ZSCAN22: variants seen among roughly 807,000 people sequenced by gnomAD.
ZSCAN22 encodes zinc finger and SCAN domain-containing protein 22.
Under a neutral mutation model 12.4 loss-of-function variants are expected in ZSCAN22, and 7 were observed. That is an observed-to-expected ratio of 0.57 (90% CI 0.32 to 1.06). The LOEUF (loss-of-function observed/expected upper bound fraction) is 1.06. Among genes scored for constraint, ZSCAN22 ranks in the 50% least tolerant of loss-of-function variants. The probability of loss-of-function intolerance (pLI) is 0.04; values close to 1 mark genes in which losing one functional copy is unlikely to be tolerated. For synonymous variants in ZSCAN22, 243 were observed against 255.9 expected (o/e 0.95, Z 0.48); for missense variants, 576 against 631.7 (o/e 0.91, Z 0.94).
Position 58,338,507 on chromosome 19 carries a change from TG to T in ZSCAN22, c.659del (p.Gly220AlafsTer120), listed in dbSNP as rs1295201891. 1 of 1,614,048 alleles carries T rather than the reference TG, an allele frequency of 6.2e-7. No individual in the cohort carries two copies. Among genetic ancestry groups the T allele is most frequent in the African/African-American group, 1.3e-5 (1 of 74,916 alleles). On this transcript the variant is annotated frameshift_variant, in exon 3 of 3. Transcript: ENST00000329665. LOFTEE classifies it low-confidence loss of function (END_TRUNC). This position sits in a 1 kb window ranked among gnomAD's most constrained non-coding sequence, Gnocchi z 5.4. ...PYKDVPTDQR[G>X]RESGASRNSS... ...ACAAGGATGTCCCCACAGACCAGCGTGGCCGTGAATCTGGTGCCTCGAGGAA... is the reference window on the plus strand; with the variant it reads ...ACAAGGATGTCCCCACAGACCAGCGTGCCGTGAATCTGGTGCCTCGAGGAA...
Position 58,329,215 on chromosome 19 carries a change from C to A in ZSCAN22, c.-52+2101C>A, listed in dbSNP as rs73941829. On this transcript the variant is annotated intron_variant, in intron 1 of 2. Transcript: ENST00000329665. This position sits in a 1 kb window ranked among gnomAD's most constrained non-coding sequence, Gnocchi z 4.1. ...GCCAGAGGCCACCAGAGGTCACCAG[C>A]GGTCACCAAAAGGTTTCAGGATTGG... 8.1e-6 allele frequency among the ~76,000 whole-genome samples: 1 copy of A among 122,872 alleles called. No homozygotes were observed. The highest frequency in any genetic ancestry group is 1.6e-5 in the Non-Finnish European group (1 of 62,056). The allele number at this position is 122,872 out of a possible 152,430, so 80.6% of individuals were successfully genotyped here.
chr19:58,340,931 C>T lies in ZSCAN22; in HGVS notation c.*1605C>T, dbSNP rs1416187678. On this transcript the variant is annotated 3_prime_UTR_variant, in exon 3 of 3. Coordinates refer to ENST00000329665, the MANE Select transcript of ZSCAN22 (RefSeq NM_181846.3). ...TGCCACCTTGTTTTACTTATTTGCT[C>T]CTTGTAGAGCTGCCTTTTCCAAGGA... 6.6e-6 allele frequency: 1 copy of T among 152,128 alleles called. No homozygotes were observed. Among genetic ancestry groups the T allele is most frequent in the Non-Finnish European group, 1.5e-5 (1 of 68,018 alleles). 9.4% of individuals were successfully genotyped at this position (152,128 alleles called of 1,614,324 possible).
chr19:58,332,467 G>A lies in ZSCAN22; in HGVS notation c.-51-2285G>A, dbSNP rs144406008. Among the ~76,000 whole-genome samples, 566 of 151,476 alleles carry A rather than the reference G, an allele frequency of 3.7e-3. 3 individuals are homozygous for A. Among genetic ancestry groups the A allele is most frequent in the African/African-American group, 0.013 (526 of 41,276 alleles). On this transcript the variant is annotated intron_variant, in intron 1 of 2. Transcript: ENST00000329665. Reference sequence around the variant, plus strand: ...TTTTGTATTTTTTAGTAGAGACGGGGTTTCACTGTGTTGGCCAGGCTGGTC... The same window carrying A: ...TTTTGTATTTTTTAGTAGAGACGGGATTTCACTGTGTTGGCCAGGCTGGTC...
intron 1 of ZSCAN22, among the ~76,000 whole-genome samples, chr19:58,332,740 G>C (rs1471201299): frequency 6.6e-6 from 1 of 152,102 alleles, no homozygotes; most frequent in Non-Finnish European, 1.5e-5. Flanking sequence ...CTTTTTTGCT[G>C]TTATGAGTAA....
At position 58,338,817 on chromosome 19, in the gene ZSCAN22, C is replaced by A. The variant is rs144167717; in HGVS notation, c.967C>A (p.Pro323Thr). Residue 323 changes from proline (P) to threonine (T), a missense_variant, in exon 3 of 3, where the codon CCC (proline) becomes ACC (threonine). Transcript: ENST00000329665. This position sits in a 1 kb window ranked among gnomAD's most constrained non-coding sequence, Gnocchi z 5.4. ...CCAGGTTGTCCACACAGGGGCGAAG[C>A]CCCATGAGTGTAAGGAATGTGGGAA... ...QHQVVHTGAKPHECKECGKAF... is the reference protein window; with the variant it reads ...QHQVVHTGAKTHECKECGKAF... The A allele has an allele frequency of 6.2e-7, 1 of 1,613,930 alleles. No individual in the cohort carries two copies. Among genetic ancestry groups the A allele is most frequent in the Non-Finnish European group, 8.5e-7 (1 of 1,179,910 alleles).
Position 58,338,138 on chromosome 19 carries a change from G to T in ZSCAN22, c.404-116G>T. The T allele has an allele frequency of 1.1e-6, 1 of 945,182 alleles. No individual in the cohort carries two copies. The allele number at this position is 945,182 out of a possible 1,614,324, so 58.5% of individuals were successfully genotyped here. A position where few individuals can be genotyped will look rare whatever the true frequency, so the allele number is the denominator to read the frequency against. ...TGAGAAACTTCCCCTTGGAACTGGGGCCAGATGTTAGGAACGGGCCACATC... is the reference window on the plus strand; with the variant it reads ...TGAGAAACTTCCCCTTGGAACTGGGTCCAGATGTTAGGAACGGGCCACATC... On this transcript the variant is annotated intron_variant, in intron 2 of 2. Coordinates refer to ENST00000329665, the MANE Select transcript of ZSCAN22 (RefSeq NM_181846.3). This position sits in a 1 kb window ranked among gnomAD's most constrained non-coding sequence, Gnocchi z 5.4.
At chr19:58,327,325 A>G (rs1376773943) in intron 1 of ZSCAN22, among the ~76,000 whole-genome samples, 1 of 152,028 alleles carries the variant, frequency 6.6e-6, no homozygotes, top group Admixed American at 6.5e-5. Flanking sequence ...CCAGGCGTGG[A>G]CGGACCGTGT....
rs145454805 is a variant in ZSCAN22 at position 58,338,937 on chromosome 19, C to T, written c.1087C>T (p.Arg363Cys). Residue 363 changes from arginine to cysteine, a missense_variant, in exon 3 of 3, where the codon CGC becomes TGC. Transcript: ENST00000329665. The surrounding 1 kb of genome is among the most constrained non-coding windows in gnomAD (Gnocchi z 5.4). ...KCGECGKTFS[R>C]STHLTQHQRV... ...TGGGGAATGTGGTAAAACCTTCAGC[C>T]GCAGCACTCACCTCACCCAGCACCA... 97 of 1,613,928 alleles carry T rather than the reference C, an allele frequency of 6.0e-5. No individual in the cohort carries two copies. Among genetic ancestry groups the T allele is most frequent in the South Asian group, 2.3e-4 (21 of 91,086 alleles).
In ZSCAN22 at chr19:58,334,801, C is replaced by A; in HGVS notation, c.-2C>A. The A allele has an allele frequency of 6.3e-7, 1 of 1,594,022 alleles. No individual in the cohort carries two copies. ...CTGTGTCTCACTGAGCACTGCTGCC[C>A]GATGGCCATCCCCAAGCACTCCCTG... On this transcript the variant is annotated 5_prime_UTR_variant, in exon 2 of 3. Coordinates refer to ENST00000329665, the MANE Select transcript of ZSCAN22 (RefSeq NM_181846.3).
At chr19:58,331,436 T>C (rs28604982) in intron 1 of ZSCAN22, among the ~76,000 whole-genome samples, 37,252 of 150,760 alleles carry the variant, frequency 0.25, 6,825 homozygotes, top group African/African-American at 0.49. Context: ...AGGCTGGTCT[T>C]GAATTCCTGA....
Position 58,336,140 on chromosome 19 carries a change from T to C in ZSCAN22, c.403+935T>C, listed in dbSNP as rs182220003. Among the ~76,000 whole-genome samples the C allele has an allele frequency of 7.9e-5, 12 of 152,292 alleles. 1 individual carries two copies. The South Asian group carries it at 2.5e-3, about 32-fold the overall frequency. Reference sequence around the variant, plus strand: ...GCTCTTCCTGGCCATGTGACTCCCTTGTGCCTCAGTTTACTCATGGGTAAA... The same window carrying C: ...GCTCTTCCTGGCCATGTGACTCCCTCGTGCCTCAGTTTACTCATGGGTAAA... On this transcript the variant is annotated intron_variant, in intron 2 of 2. Transcript: ENST00000329665.
In ZSCAN22 at chr19:58,335,340, A is replaced by G. The variant is rs148288391; in HGVS notation, c.403+135A>G. 1.1e-3 allele frequency: 1,350 copies of G among 1,195,104 alleles called. 3 individuals are homozygous for G. The highest frequency in any genetic ancestry group is 8.5e-3 in the African/African-American group (552 of 65,130). The allele number at this position is 1,195,104 out of a possible 1,614,324, so 74.0% of individuals were successfully genotyped here. Reference sequence around the variant, plus strand: ...TTGTACTTTACCGTAACTCTCACACACTGTTGTAGACAGGTGTGTTTTGGT... The same window carrying G: ...TTGTACTTTACCGTAACTCTCACACGCTGTTGTAGACAGGTGTGTTTTGGT... On this transcript the variant is annotated intron_variant, in intron 2 of 2. Transcript: ENST00000329665. This position sits in a 1 kb window ranked among gnomAD's most constrained non-coding sequence, Gnocchi z 4.1.
In ZSCAN22 at chr19:58,339,201, C is replaced by G; in HGVS notation, c.1351C>G (p.Leu451Val). The part of the protein sequence containing the change: ...CPKAFAQSSS[L>V]IEHQRIHTGE... The stretch of plus-strand genomic sequence containing the variant: ...GAAGGCCTTTGCACAGAGCTCCTCC[C>G]TCATTGAGCACCAGAGGATCCACAC... The change falls in exon 3 of 3, where the codon CTC becomes GTC. Residue 451 changes from leucine to valine, a missense_variant. Transcript: ENST00000329665. The surrounding 1 kb of genome is among the most constrained non-coding windows in gnomAD (Gnocchi z 5.6). 1 of 1,613,978 alleles carries G rather than the reference C, an allele frequency of 6.2e-7. No individual in the cohort carries two copies. Among genetic ancestry groups the G allele is most frequent in the Non-Finnish European group, 8.5e-7 (1 of 1,179,984 alleles).
At chr19:58,334,675 C>T in intron 1 of ZSCAN22, 77 bp from the exon 2 acceptor site, 1 of 1,086,922 alleles carries the variant, frequency 9.2e-7, no homozygotes, top group Non-Finnish European at 1.3e-6. Context: ...GGGCCACAAG[C>T]CTGTGTTTTC....
intron 1 of ZSCAN22, among the ~76,000 whole-genome samples, chr19:58,333,571 T>C (rs1350419062): frequency 1.3e-5 from 2 of 152,310 alleles, no homozygotes; most frequent in East Asian, 1.9e-4. Context: ...GGACTGGGCA[T>C]GGTGACTCAT....
chr19:58,335,009 C>T lies in ZSCAN22; in HGVS notation c.207C>T (p.His69=), dbSNP rs2147987265. ...CTGGTCCACACGAGGCCCTGGCCCA[C>T]CTCCGAGCGCTGTGCTGTCAGTGGC... The part of the protein sequence containing the change: ...EASGPHEALA[H]LRALCCQWLQ... The change falls in exon 2 of 3, where the codon CAC becomes CAT. Residue 69 remains histidine (H), a synonymous_variant. Transcript: ENST00000329665. This position sits in a 1 kb window ranked among gnomAD's most constrained non-coding sequence, Gnocchi z 4.1. The T allele has an allele frequency of 6.2e-7, 1 of 1,614,146 alleles. No homozygotes were observed. The highest frequency in any genetic ancestry group is 8.5e-7 in the Non-Finnish European group (1 of 1,180,044).
In ZSCAN22 at chr19:58,340,385, A is replaced by C. The variant is rs955091171; in HGVS notation, c.*1059A>C. The C allele has an allele frequency of 6.6e-6, 1 of 152,178 alleles. No homozygotes were observed. Among genetic ancestry groups the C allele is most frequent in the East Asian group, 1.9e-4 (1 of 5,198 alleles). The allele number at this position is 152,178 out of a possible 1,614,324, so 9.4% of individuals were successfully genotyped here. On this transcript the variant is annotated 3_prime_UTR_variant, in exon 3 of 3. Transcript: ENST00000329665. ...TTCCATACACCAGCCACACGGAACT[A>C]CTGTGGTCCCTGAAGGAGCCATACA... is the stretch of plus-strand genomic sequence containing the variant.
chr19:58,330,017 A>C (rs1225809700), intron 1 of ZSCAN22, among the ~76,000 whole-genome samples: 1 of 152,200 alleles, frequency 6.6e-6, no homozygotes. Context: ...GGCCAGGCGC[A>C]GTGGCTCATG....
chr19:58,335,301 A>AC lies in ZSCAN22; in HGVS notation c.403+99dup. 1 of 1,383,272 alleles carries AC rather than the reference A, an allele frequency of 7.2e-7. No individual in the cohort carries two copies. The highest frequency in any genetic ancestry group is 9.6e-7 in the Non-Finnish European group (1 of 1,043,488). 85.7% of individuals were successfully genotyped at this position (1,383,272 alleles called of 1,614,324 possible). On this transcript the variant is annotated intron_variant, in intron 2 of 2. Transcript: ENST00000329665. The surrounding 1 kb of genome is among the most constrained non-coding windows in gnomAD (Gnocchi z 4.1). ...GGCTCTGGTTTGGGGTTGCTCATGC[A>AC]CCCATTCTCACATTTGTACTTTACC... is the stretch of plus-strand genomic sequence containing the variant.
Sources: gnomAD v4.1 joint callset for allele counts (sites outside exome capture counted in the v4.1 genomes callset) on GRCh38, gnomAD v4.1.1 for gene constraint, Gnocchi (gnomAD v3.1) non-coding constraint, MANE v1.5 for transcripts, NCBI Gene and HGNC (gene_info 2026-07-23, HGNC 2026-07-21) for gene names.